Variants in FCSK observed in about 807,000 individuals in gnomAD.
The protein encoded by FCSK is fucose kinase.
Under a neutral mutation model 122.5 loss-of-function variants are expected in FCSK, and 123 were observed. The observed-to-expected ratio is 1.00, with a 90% confidence interval of 0.87 to 1.17. The LOEUF is 1.17. Among genes scored for constraint, FCSK ranks in the 50% most tolerant of loss-of-function variants. FCSK has a pLI of 0.00. For synonymous variants in FCSK, 620 were observed against 625.5 expected (o/e 0.99, Z 0.13); for missense variants, 1,366 against 1,450.4 (o/e 0.94, Z 0.95).
At chr16:70,458,667 C>T (rs183398079) in intron 1 of FCSK, among the ~76,000 whole-genome samples, 1 of 151,810 alleles carries the variant, frequency 6.6e-6, no homozygotes, top group Non-Finnish European at 1.5e-5. Flanking sequence ...AGGCTGGTCT[C>T]GAACTCCTGA....
At chr16:70,463,065 C>G in intron 1 of FCSK, 104 bp from the exon 2 acceptor site, 1 of 664,226 alleles carries the variant, frequency 1.5e-6, no homozygotes, top group South Asian at 2.3e-5. Flanking sequence ...GATACCAACA[C>G]GAATCTATAC....
intron 1 of FCSK, among the ~76,000 whole-genome samples, chr16:70,460,919 C>A (rs1056318855): frequency 6.6e-6 from 1 of 152,158 alleles, no homozygotes; most frequent in African/African-American, 2.4e-5. Context: ...GACGTGCCTA[C>A]GGCCATACAG....
Position 70,475,371 on chromosome 16 carries a change from T to C in FCSK, c.2399T>C (p.Phe800Ser). 6.2e-7 allele frequency: 1 copy of C among 1,610,734 alleles called. No individual in the cohort carries two copies. The change falls in exon 19 of 24, where the codon TTC becomes TCC. Residue 800 changes from phenylalanine (F) to serine (S), a missense_variant. Coordinates refer to ENST00000288078, the MANE Select transcript of FCSK (RefSeq NM_145059.3). ...GCAGGGGCCCTGCTGAAGGCGGCCT[T>C]CATCTGTGCAGGGATCGTGCATGTC... Reference protein sequence around the residue: ...HAPGALLKAAFICAGIVHVHS... With the variant: ...HAPGALLKAASICAGIVHVHS...
chr16:70,460,880 A>G (rs2048244969), intron 1 of FCSK, among the ~76,000 whole-genome samples: 2 of 151,866 alleles, frequency 1.3e-5, no homozygotes, highest in South Asian at 4.2e-4. Flanking sequence ...TGTTAGTTAC[A>G]CTCCCTGCTG....
rs770249444 is a variant in FCSK at position 70,479,152 on chromosome 16, C to A, written c.2930-28C>A. 4 of 1,557,530 alleles carry A rather than the reference C, an allele frequency of 2.6e-6. No homozygotes were observed. The South Asian group carries it at 4.5e-5, about 17-fold the overall frequency. On this transcript the variant is annotated intron_variant, in intron 22 of 23. Transcript: ENST00000288078. ...TGGGTGCTGAGTATCTTGGCCCAGG[C>A]ACGTCACTCCCCTCTGCCCCACCTC...
At chr16:70,457,365 C>T (rs1413658977) in intron 1 of FCSK, among the ~76,000 whole-genome samples, 4 of 152,120 alleles carry the variant, frequency 2.6e-5, no homozygotes, top group African/African-American at 4.8e-5. Flanking sequence ...AGTGATTCTC[C>T]TGCCTCAGCC....
Position 70,474,653 on chromosome 16 carries a change from A to C in FCSK, c.2114A>C (p.Gln705Pro). The C allele has an allele frequency of 6.2e-7, 1 of 1,600,910 alleles. No individual in the cohort carries two copies. The highest frequency in any genetic ancestry group is 1.1e-5 in the South Asian group (1 of 88,440). Residue 705 changes from glutamine to proline, a missense_variant, in exon 17 of 24, where the codon CAG (glutamine) becomes CCG (proline). Gln to Pro is a moderately conservative substitution (Grantham distance 76, BLOSUM62 -1). Coordinates refer to ENST00000288078, the MANE Select transcript of FCSK (RefSeq NM_145059.3). ...CAGGTGGAACTGCCGGGACCTGGGC[A>C]GTGGGTGGTGGCTGAGTGCCCGGCC... ...TEQVELPGPG[Q>P]WVVAECPARV...
intron 1 of FCSK, among the ~76,000 whole-genome samples, chr16:70,461,467 G>C (rs1454992086): frequency 6.6e-6 from 1 of 152,108 alleles, no homozygotes; most frequent in Non-Finnish European, 1.5e-5. Flanking sequence ...GGGGGAGACA[G>C]GGGTGGGGGT....
intron 13 of FCSK, among the ~76,000 whole-genome samples, chr16:70,472,108 T>C (rs1387418909): frequency 6.6e-6 from 1 of 152,014 alleles, no homozygotes; most frequent in African/African-American, 2.4e-5. Flanking sequence ...CGCGCACGGC[T>C]GGGTGGGGGT....
intron 16 of FCSK, 44 bp from the exon 17 acceptor site, chr16:70,474,484 A>C (rs1199629752): frequency 1.9e-6 from 3 of 1,546,388 alleles, no homozygotes; most frequent in Non-Finnish European, 2.6e-6. Context: ...ATCTGCCCCC[A>C]GCTTGGGGCT....
chr16:70,474,753 T>A, intron 17 of FCSK, 37 bp from the exon 18 acceptor site: 1 of 1,557,398 alleles, frequency 6.4e-7, no homozygotes, highest in Non-Finnish European at 8.7e-7. Context: ...GGCTGGCAGC[T>A]TCTGTGACCA....
Position 70,463,257 on chromosome 16 carries a change from C to G in FCSK, c.67C>G (p.Gln23Glu), listed in dbSNP as rs780717198. ...ILTCQYKDSV[Q>E]VFQRELEVRQ... ...GACCTGCCAGTACAAGGACAGTGTCCAGGTCTTTCAGAGAGGTAGGGGACT... is the reference window on the plus strand; with the variant it reads ...GACCTGCCAGTACAAGGACAGTGTCGAGGTCTTTCAGAGAGGTAGGGGACT... Residue 23 changes from glutamine (Q) to glutamate (E), a missense_variant, in exon 2 of 24, where the codon CAG (glutamine) becomes GAG (glutamate). Gln to Glu is a conservative substitution (Grantham distance 29). Coordinates refer to ENST00000288078, the MANE Select transcript of FCSK (RefSeq NM_145059.3). 37 of 1,613,526 alleles carry G rather than the reference C, an allele frequency of 2.3e-5. No individual in the cohort carries two copies. The highest frequency in any genetic ancestry group is 3.1e-5 in the Non-Finnish European group (36 of 1,179,732).
At position 70,474,902 on chromosome 16, in the gene FCSK, G is replaced by A. The variant is rs200827336; in HGVS notation, c.2268G>A (p.Pro756=). Reference sequence around the variant, plus strand: ...TCGGAGCCAGGGCACGCCGCATCCCGGAGCCTGAGCTGTGGCTGGCGGTGG... The same window carrying A: ...TCGGAGCCAGGGCACGCCGCATCCCAGAGCCTGAGCTGTGGCTGGCGGTGG... The part of the protein sequence containing the change: ...RPIGARARRI[P]EPELWLAVGP... Residue 756 remains proline, a synonymous_variant, in exon 18 of 24, where the codon CCG becomes CCA. Transcript: ENST00000288078. 64 of 1,609,534 alleles carry A rather than the reference G, an allele frequency of 4.0e-5. 1 individual carries two copies. Among genetic ancestry groups the A allele is most frequent in the East Asian group, 1.1e-4 (5 of 44,716 alleles).
rs568418280 is a variant in FCSK, at chr16:70,471,432, C to T, written c.1341+80C>T. 966 of 1,396,550 alleles carry T rather than the reference C, an allele frequency of 6.9e-4. 1 individual carries two copies. The highest frequency in any genetic ancestry group is 8.1e-4 in the Non-Finnish European group (846 of 1,038,320). The allele number at this position is 1,396,550 out of a possible 1,614,324, so 86.5% of individuals were successfully genotyped here. ...AGGAGTCCTGGCCCCCACCCCACTG[C>T]GGGGTTCTCTGAGCACTGGCCCGTG... is the stretch of plus-strand genomic sequence containing the variant. On this transcript the variant is annotated intron_variant, in intron 13 of 23. Coordinates refer to ENST00000288078, the MANE Select transcript of FCSK (RefSeq NM_145059.3).
chr16:70,462,097 G>A (rs1448497691), intron 1 of FCSK: 1 of 152,224 alleles, frequency 6.6e-6, no homozygotes. Context: ...GAGGCATCAT[G>A]TTGGATGAAA....
At position 70,471,284 on chromosome 16, in the gene FCSK, C is replaced by CG. The variant is rs1326901320; in HGVS notation, c.1273_1274insG (p.His425ArgfsTer37). The CG allele has an allele frequency of 3.1e-6, 5 of 1,607,808 alleles. No individual in the cohort carries two copies. Among genetic ancestry groups the CG allele is most frequent in the Non-Finnish European group, 4.2e-6 (5 of 1,177,946 alleles). On this transcript the variant is annotated frameshift_variant, in exon 13 of 24. Transcript: ENST00000288078. LOFTEE classifies it high-confidence loss of function. ...GCTGCGTGACCTTGTCCTGCAGGGA[C>CG]ACCACACGCGGCTACACGGCTCCCC...
chr16:70,472,933 G>T lies in FCSK; in HGVS notation c.1407-50G>T, dbSNP rs575857439. The T allele has an allele frequency of 5.1e-6, 8 of 1,553,528 alleles. No individual in the cohort carries two copies. In the East Asian group the frequency reaches 1.6e-4, roughly 32 times the overall value. On this transcript the variant is annotated intron_variant, in intron 14 of 23. Transcript: ENST00000288078. ...CAGGCGGCTCAGGGCTTGGGGAAGAGACTGGAGCTTTTGCTTCCCTCCTGG... is the reference window on the plus strand; with the variant it reads ...CAGGCGGCTCAGGGCTTGGGGAAGATACTGGAGCTTTTGCTTCCCTCCTGG...
chr16:70,463,709 G>T lies in FCSK; in HGVS notation c.169G>T (p.Gly57Ter). 1 of 1,612,784 alleles carries T rather than the reference G, an allele frequency of 6.2e-7. No homozygotes were observed. The highest frequency in any genetic ancestry group is 2.2e-5 in the East Asian group (1 of 44,862). The change falls in exon 3 of 24, where the codon GGA becomes TGA. Residue 57 changes from glycine (G) to a stop codon, truncating the protein, a stop_gained. Transcript: ENST00000288078. LOFTEE classifies it high-confidence loss of function. Reference sequence around the variant, plus strand: ...GGACCCAGAGAAGCGTGTGGGCAGCGGAGGAGCCACCCTCAACGCCCTGCT... The same window carrying T: ...GGACCCAGAGAAGCGTGTGGGCAGCTGAGGAGCCACCCTCAACGCCCTGCT... The part of the protein sequence containing the change: ...VEDPEKRVGS[G>*]GATLNALLVA...
chr16:70,473,429 G>C lies in FCSK; in HGVS notation c.1777+76G>C. 7.1e-7 allele frequency: 1 copy of C among 1,417,198 alleles called. No individual in the cohort carries two copies. Among genetic ancestry groups the C allele is most frequent in the Admixed American group, 2.8e-5 (1 of 35,514 alleles). 87.8% of individuals were successfully genotyped at this position (1,417,198 alleles called of 1,614,324 possible). A position where few individuals can be genotyped will look rare whatever the true frequency, so the allele number is the denominator to read the frequency against. On this transcript the variant is annotated intron_variant, in intron 15 of 23. Transcript: ENST00000288078. The surrounding 1 kb of genome is among the most constrained non-coding windows in gnomAD (Gnocchi z 4.9). ...CTCCCTGTCCTCTGGGCCATCCCCT[G>C]AGGGGACTAGGGGACCATGAGGTGC... is the stretch of plus-strand genomic sequence containing the variant.
Sources: allele counts gnomAD v4.1 joint callset (sites outside exome capture counted in the v4.1 genomes callset), GRCh38; gene constraint gnomAD v4.1.1; non-coding constraint Gnocchi (gnomAD v3.1); transcripts MANE v1.5; gene names NCBI Gene and HGNC (gene_info 2026-07-23, HGNC 2026-07-21).